The following ANKRD30A variants were observed in gnomAD, a reference collection of about 807,000 sequenced individuals.
ANKRD30A encodes the protein ankyrin repeat domain 30A, also known as ankyrin repeat domain-containing protein 30A.
Under a neutral mutation model 166.3 loss-of-function variants are expected in ANKRD30A, and 170 were observed. That is an observed-to-expected ratio of 1.02 (90% CI 0.90 to 1.16). The LOEUF (loss-of-function observed/expected upper bound fraction) is 1.16, where lower values mean the gene tolerates loss of function less well. Ranked by LOEUF, ANKRD30A falls within the 50% of genes most tolerant of loss-of-function variation. ANKRD30A has a pLI of 0.00. For synonymous variants in ANKRD30A, 564 were observed against 508.9 expected, an observed-to-expected ratio of 1.11 and a Z score of -1.46; for missense variants, 1,630 against 1,518.0, an observed-to-expected ratio of 1.07 and a Z score of -1.23.
chr10:37,192,335 C>A (rs1024398845), intron 25 of ANKRD30A, among the ~76,000 whole-genome samples: 1 of 152,024 alleles, frequency 6.6e-6, no homozygotes, highest in East Asian at 1.9e-4. Flanking sequence ...TGAGCCACTG[C>A]ACCTGGCCTG....
chr10:37,224,803 A>G lies in ANKRD30A; in HGVS notation c.4185+4906A>G, dbSNP rs187196865. 8.3e-3 allele frequency among the ~76,000 whole-genome samples: 1,252 copies of G among 151,102 alleles called. 19 individuals carry two copies. Among genetic ancestry groups the G allele is most frequent in the African/African-American group, 0.028 (1,163 of 41,322 alleles). On this transcript the variant is annotated intron_variant, in intron 34 of 35. Transcript: ENST00000361713. ...AAGTCTTCACATGATCTCTCTTTTC[A>G]TTTCTTTTCTTCTAAAACTGCCTGT...
At chr10:37,246,611 C>T in the ANKRD30A span, among the ~76,000 whole-genome samples, 2 of 152,212 alleles carry the variant, frequency 1.3e-5, no homozygotes, top group Non-Finnish European at 2.9e-5. Flanking sequence ...TCTCCTACTT[C>T]GGCCAGGCTA....
At chr10:37,151,458 C>G (rs1445100603) in intron 11 of ANKRD30A, among the ~76,000 whole-genome samples, 1 of 152,006 alleles carries the variant, frequency 6.6e-6, no homozygotes, top group Non-Finnish European at 1.5e-5. Flanking sequence ...GTAATTGAAG[C>G]AGTTGTTAAT....
At chr10:37,238,455 A>T in the ANKRD30A span, among the ~76,000 whole-genome samples, 533 of 152,330 alleles carry the variant, frequency 3.5e-3, 3 homozygotes, top group African/African-American at 0.012. Context: ...ATTTAGCATT[A>T]GGTATATCTC....
At chr10:37,197,542 T>C (rs536986670) in intron 29 of ANKRD30A, 62 bp downstream of exon 29, 107 of 1,608,304 alleles carry the variant, frequency 6.7e-5, no homozygotes, top group South Asian at 5.3e-4. Flanking sequence ...TTTGATGGTC[T>C]TTCTATCCCC....
At chr10:37,242,676 G>C in the ANKRD30A span, among the ~76,000 whole-genome samples, 1 of 152,074 alleles carries the variant, frequency 6.6e-6, no homozygotes, top group East Asian at 1.9e-4. Flanking sequence ...ATGTTTCGAG[G>C]TTCATGGTAT....
At chr10:37,245,627 C>CCA in the ANKRD30A span, among the ~76,000 whole-genome samples, 1 of 151,844 alleles carries the variant, frequency 6.6e-6, no homozygotes, top group Non-Finnish European at 1.5e-5. Context: ...CATCTTAGGA[C>CCA]CACAGACATT....
At chr10:37,158,644 G>A (rs1455456247) in intron 15 of ANKRD30A, 58 bp downstream of exon 15, 2 of 1,590,520 alleles carry the variant, frequency 1.3e-6, no homozygotes, top group Non-Finnish European at 1.7e-6. Context: ...TATTTGAAAT[G>A]CTGTGAGACT....
chr10:37,216,496 GA>G (rs1181576259), intron 32 of ANKRD30A, 102 bp downstream of exon 32: 7 of 1,125,764 alleles, frequency 6.2e-6, no homozygotes, highest in African/African-American at 3.2e-5. Context: ...TTTTACTGGA[GA>G]AAAAAATGTC....
At chr10:37,162,604 GT>G (rs1564511700) in intron 15 of ANKRD30A, 44 bp from the exon 16 acceptor site, 1 of 1,607,904 alleles carries the variant, frequency 6.2e-7, no homozygotes, top group Admixed American at 1.7e-5. Flanking sequence ...TGGTTGGCTT[GT>G]CATATTTACA....
In ANKRD30A at chr10:37,147,462, G is replaced by T; in HGVS notation, c.1543+5G>T. The T allele has an allele frequency of 6.4e-7, 1 of 1,551,210 alleles. No homozygotes were observed. The highest frequency in any genetic ancestry group is 1.2e-5 in the South Asian group (1 of 84,544). ...AGATAAATAGAGAAGTAGAAGGTAA[G>T]AACGATTTTTTATTTGAAAAGTCTT... On this transcript the variant is annotated splice_donor_5th_base_variant and intron_variant, in intron 9 of 35. Transcript: ENST00000361713.
In ANKRD30A at chr10:37,147,385, T is replaced by G. The variant is rs1294572165; in HGVS notation, c.1471T>G (p.Ser491Ala). The G allele has an allele frequency of 6.3e-7, 1 of 1,594,006 alleles. No individual in the cohort carries two copies. ...CTTTTAACAGAGTCTCTTTGAGAGT[T>G]CTGCAAAGATTCAAGTGTGTATACC... ...SCDSRSLFES[S>A]AKIQVCIPES... is the part of the protein sequence containing the mutation. Residue 491 changes from serine (S) to alanine (A), a missense_variant, in exon 9 of 36, where the codon TCT (serine) becomes GCT (alanine). Transcript: ENST00000361713.
chr10:37,136,668 C>T lies in ANKRD30A; in HGVS notation c.817C>T (p.Pro273Ser). Reference sequence around the variant, plus strand: ...ATCTAAAAATCATCAAAATACCAATCCAGGTAAGACTTCTGATAGTAAACT... The same window carrying T: ...ATCTAAAAATCATCAAAATACCAATTCAGGTAAGACTTCTGATAGTAAACT... ...KLSKNHQNTN[P>S]EGTSAGTPDE... The change falls in exon 6 of 36, where the codon CCA becomes TCA. Residue 273 changes from proline (P) to serine (S), a missense_variant. Around this residue, in one of 4 missense-constraint regions of ANKRD30A, gnomAD observed 904 missense variants for 818.5 expected, o/e 1.10. Coordinates refer to ENST00000361713, the MANE Select transcript of ANKRD30A (RefSeq NM_052997.3). The T allele has an allele frequency of 1.4e-6, 2 of 1,414,974 alleles. No individual in the cohort carries two copies. Among genetic ancestry groups the T allele is most frequent in the Non-Finnish European group, 1.9e-6 (2 of 1,028,732 alleles). 87.7% of individuals were successfully genotyped at this position (1,414,974 alleles called of 1,614,324 possible). A position where few individuals can be genotyped will look rare whatever the true frequency, so the allele number is the denominator to read the frequency against.
In ANKRD30A at chr10:37,147,457, G is replaced by A. The variant is rs1436421437; in HGVS notation, c.1543G>A (p.Glu515Lys). 6.4e-7 allele frequency: 1 copy of A among 1,554,670 alleles called. No homozygotes were observed. The highest frequency in any genetic ancestry group is 8.7e-7 in the Non-Finnish European group (1 of 1,145,558). Residue 515 changes from glutamate (E) to lysine (K), a missense_variant and splice_region_variant, in exon 9 of 36, where the codon GAG becomes AAG. Physicochemically the swap from Glu to Lys is moderately conservative, Grantham distance 56. Transcript: ENST00000361713. ...KVMEINREVE[E>K]PPKKPSAFKP... The stretch of plus-strand genomic sequence containing the variant: ...AATGGAGATAAATAGAGAAGTAGAA[G>A]GTAAGAACGATTTTTTATTTGAAAA...
chr10:37,155,970 A>G (rs906838807), intron 13 of ANKRD30A, among the ~76,000 whole-genome samples: 9 of 151,176 alleles, frequency 6.0e-5, no homozygotes, highest in African/African-American at 2.2e-4. Context: ...AGTCCCAGCT[A>G]CTCTGGAGGC....
downstream of ANKRD30A, among the ~76,000 whole-genome samples, chr10:37,234,554 A>G (rs1435682969): frequency 2.0e-5 from 3 of 151,996 alleles, no homozygotes; most frequent in Non-Finnish European, 4.4e-5. Context: ...AATGTTTGAG[A>G]TGGATGTCTA....
intron 34 of ANKRD30A, among the ~76,000 whole-genome samples, 169 bp from the exon 35 acceptor site, chr10:37,231,292 A>G (rs937724251): frequency 2.0e-5 from 3 of 152,074 alleles, no homozygotes; most frequent in Non-Finnish European, 4.4e-5. Flanking sequence ...TTTAAAACCT[A>G]TAATTGCATA....
Position 37,197,499 on chromosome 10 carries a change from C to G in ANKRD30A, c.2716+19C>G, listed in dbSNP as rs767316152. ...AGAGCAGGTACATTTTTCAATGTAA[C>G]TATGCGAAGACCAATATTTCAATAT... On this transcript the variant is annotated intron_variant, in intron 29 of 35. Transcript: ENST00000361713. 4.3e-6 allele frequency: 7 copies of G among 1,611,804 alleles called. No homozygotes were observed. In the South Asian group the frequency reaches 4.4e-5, roughly 10 times the overall value.
At position 37,133,949 on chromosome 10, in the gene ANKRD30A, A is replaced by T. The variant is rs1294870110; in HGVS notation, c.651A>T (p.Ser217=). The part of the protein sequence containing the change: ...TALMLAVCHG[S]SEIVGMLLQQ... The stretch of plus-strand genomic sequence containing the variant: ...TCATGCTTGCTGTATGTCATGGATC[A>T]TCAGAGATAGTTGGCATGCTTCTTC... The change falls in exon 5 of 36, where the codon TCA becomes TCT. Residue 217 remains serine (S), a synonymous_variant. Transcript: ENST00000361713. 6.2e-7 allele frequency: 1 copy of T among 1,614,000 alleles called. No individual in the cohort carries two copies. The highest frequency in any genetic ancestry group is 1.7e-5 in the Admixed American group (1 of 60,010).
Sources: gnomAD v4.1 joint callset for allele counts (sites outside exome capture counted in the v4.1 genomes callset) on GRCh38, gnomAD v4.1.1 for gene constraint, gnomAD v4.1.1 regional missense constraint, MANE v1.5 for transcripts, NCBI Gene and HGNC (gene_info 2026-07-23, HGNC 2026-07-21) for gene names.